Variants in CHRM2 observed in about 807,000 individuals in gnomAD.
CHRM2 encodes muscarinic acetylcholine receptor M2.
CHRM2 carries 8 observed loss-of-function variants against 25.0 expected under a neutral mutation model. The ratio of observed to expected loss-of-function variants is 0.32; its 90% CI spans 0.19 to 0.58. The LOEUF (loss-of-function observed/expected upper bound fraction) is 0.58. Ranked by LOEUF, CHRM2 falls within the 20% of genes least tolerant of loss-of-function variation. CHRM2 has a pLI of 0.88. For synonymous variants in CHRM2, 202 were observed against 205.7 expected (o/e 0.98, Z 0.15); for missense variants, 440 against 567.1 (o/e 0.78, Z 2.28).
chr7:136,912,947 G>A (rs1797921666), intron 2 of CHRM2, among the ~76,000 whole-genome samples: 1 of 151,788 alleles, frequency 6.6e-6, no homozygotes, highest in South Asian at 2.1e-4. Context: ...TGTGATGCTT[G>A]GCACATAACC....
At chr7:136,875,791 T>C (rs755059052) in intron 2 of CHRM2, among the ~76,000 whole-genome samples, 2 of 152,166 alleles carry the variant, frequency 1.3e-5, no homozygotes, top group East Asian at 1.9e-4. Context: ...ATCCTCCAAC[T>C]GCACAAGGAA....
At chr7:136,977,440 T>C (rs922519690) in intron 2 of CHRM2, among the ~76,000 whole-genome samples, 2 of 152,134 alleles carry the variant, frequency 1.3e-5, no homozygotes, top group South Asian at 2.1e-4. Flanking sequence ...GGTCTTACGA[T>C]AGACAGTGGG....
At chr7:136,888,397 A>G (rs1017830683) in intron 2 of CHRM2, among the ~76,000 whole-genome samples, 17 of 152,312 alleles carry the variant, frequency 1.1e-4, no homozygotes, top group African/African-American at 4.1e-4. Context: ...GCTTCAGCCT[A>G]TGGGAAGCAG....
chr7:136,915,857 C>G (rs1798074959), intron 2 of CHRM2, among the ~76,000 whole-genome samples: 1 of 144,560 alleles, frequency 6.9e-6, no homozygotes, highest in Admixed American at 6.8e-5. Context: ...TGAAAAGAAA[C>G]ATTTTTTTTT....
intron 2 of CHRM2, among the ~76,000 whole-genome samples, chr7:136,909,310 CAT>C (rs1481493432): frequency 6.6e-5 from 10 of 151,944 alleles, no homozygotes; most frequent in Admixed American, 6.6e-5. Flanking sequence ...ATACATGGCA[CAT>C]AGAGTTATAT....
intron 2 of CHRM2, among the ~76,000 whole-genome samples, chr7:136,881,156 C>T (rs1405585687): frequency 2.0e-5 from 3 of 149,292 alleles, no homozygotes; most frequent in Non-Finnish European, 4.5e-5. Context: ...TAACTCCTGA[C>T]AACCACTGAT....
intron 2 of CHRM2, among the ~76,000 whole-genome samples, chr7:136,895,112 T>A (rs990909026): frequency 1.3e-5 from 2 of 152,220 alleles, no homozygotes; most frequent in African/African-American, 4.8e-5. Flanking sequence ...ATTCAAATAG[T>A]CTTTAAAATA....
intron 2 of CHRM2, among the ~76,000 whole-genome samples, chr7:136,888,334 G>A (rs142775122): frequency 1.3e-5 from 2 of 152,232 alleles, no homozygotes; most frequent in Admixed American, 6.5e-5. Context: ...CCATTGCTGC[G>A]CTGGGGAAAG....
chr7:136,992,692 G>C (rs540448570), intron 3 of CHRM2, among the ~76,000 whole-genome samples: 1 of 152,060 alleles, frequency 6.6e-6, no homozygotes, highest in Admixed American at 6.6e-5. Flanking sequence ...TTTATAGAAC[G>C]TAACTACCAT....
Position 137,015,571 on chromosome 7 carries a change from G to A in CHRM2, c.706G>A (p.Val236Ile). 1 of 1,612,862 alleles carries A rather than the reference G, an allele frequency of 6.2e-7. No individual in the cohort carries two copies. Among genetic ancestry groups the A allele is most frequent in the Non-Finnish European group, 8.5e-7 (1 of 1,179,500 alleles). ...CCAAGACCCCGTTTCTCCAAGTCTG[G>A]TACAAGGAAGGATAGTGAAGCCAAA... is the stretch of plus-strand genomic sequence containing the variant. ...ANQDPVSPSLVQGRIVKPNNN... is the reference protein window; with the variant it reads ...ANQDPVSPSLIQGRIVKPNNN... Residue 236 changes from valine to isoleucine, a missense_variant, in exon 4 of 4, where the codon GTA (valine) becomes ATA (isoleucine). Val to Ile is a conservative substitution (Grantham distance 29, BLOSUM62 3). Transcript: ENST00000680005. The surrounding 1 kb of genome is among the most constrained non-coding windows in gnomAD (Gnocchi z 5.1).
intron 2 of CHRM2, among the ~76,000 whole-genome samples, chr7:136,876,496 TA>T (rs1796057290): frequency 6.6e-6 from 1 of 152,170 alleles, no homozygotes; most frequent in Non-Finnish European, 1.5e-5. Flanking sequence ...ATTTTACTAT[TA>T]TTTTATTGCA....
At chr7:136,893,465 G>T (rs977623957) in intron 2 of CHRM2, among the ~76,000 whole-genome samples, 2 of 152,050 alleles carry the variant, frequency 1.3e-5, no homozygotes, top group African/African-American at 4.8e-5. Flanking sequence ...TTTACCATTG[G>T]CACACCACTG....
Position 136,981,063 on chromosome 7 carries a change from G to A in CHRM2, c.-124-11124G>A, listed in dbSNP as rs543463805. On this transcript the variant is annotated intron_variant, in intron 2 of 3. Transcript: ENST00000680005. ...TCTGGTAGAATTCAGCTGTGAATCC[G>A]TCTGTTCCTAGGCTTTCTTTGGTTG... Among the ~76,000 whole-genome samples, 54 of 152,220 alleles carry A rather than the reference G, an allele frequency of 3.5e-4. No homozygotes were observed. In the South Asian group the frequency reaches 3.7e-3, roughly 11 times the overall value.
At chr7:136,979,531 C>A (rs1802341312) in intron 2 of CHRM2, among the ~76,000 whole-genome samples, 1 of 152,140 alleles carries the variant, frequency 6.6e-6, no homozygotes, top group Admixed American at 6.5e-5. Flanking sequence ...AGGCCTATAT[C>A]CGTAATGGTA....
At chr7:136,951,862 G>A (rs975649274) in intron 2 of CHRM2, among the ~76,000 whole-genome samples, 9 of 152,062 alleles carry the variant, frequency 5.9e-5, no homozygotes, top group African/African-American at 2.2e-4. Context: ...CTTTCCTCCT[G>A]CTATAGGTTT....
chr7:136,919,893 C>G lies in CHRM2; in HGVS notation c.-125+50475C>G, dbSNP rs554333245. ...TACTTCAGTCAAAGTGGTCATTGAC[C>G]TTCGGATTGTTTATTTCTCTAGATA... On this transcript the variant is annotated intron_variant, in intron 2 of 3. Coordinates refer to ENST00000680005, the MANE Select transcript of CHRM2 (RefSeq NM_001006630.2). 2.6e-5 allele frequency among the ~76,000 whole-genome samples: 4 copies of G among 152,190 alleles called. No homozygotes were observed. The East Asian group carries it at 7.7e-4, about 29-fold the overall frequency.
In CHRM2 at chr7:137,016,098, C is replaced by T. The variant is rs746845225; in HGVS notation, c.1233C>T (p.Thr411=). ...APYNVMVLIN[T]FCAPCIPNTV... ...ACAATGTCATGGTGCTCATTAACAC[C>T]TTTTGTGCACCTTGCATCCCCAACA... The change falls in exon 4 of 4, where the codon ACC becomes ACT. Residue 411 remains threonine (T), a synonymous_variant. Transcript: ENST00000680005. 1 of 1,612,166 alleles carries T rather than the reference C, an allele frequency of 6.2e-7. No individual in the cohort carries two copies. Among genetic ancestry groups the T allele is most frequent in the South Asian group, 1.1e-5 (1 of 90,972 alleles).
intron 2 of CHRM2, among the ~76,000 whole-genome samples, chr7:136,959,906 C>T (rs903780540): frequency 1.3e-5 from 2 of 151,904 alleles, no homozygotes; most frequent in African/African-American, 4.8e-5. Flanking sequence ...AGCAAAACTC[C>T]GTCCAAAAAA....
chr7:137,014,922 G>A lies in CHRM2; in HGVS notation c.57G>A (p.Lys19=). ...NNSLALTSPY[K]TFEVVFIVLV... ...GCCTGGCTCTTACAAGTCCTTATAAGACATTTGAAGTGGTGTTTATTGTCC... is the reference window on the plus strand; with the variant it reads ...GCCTGGCTCTTACAAGTCCTTATAAAACATTTGAAGTGGTGTTTATTGTCC... Residue 19 remains lysine (K), a synonymous_variant, in exon 4 of 4, where the codon AAG becomes AAA. Transcript: ENST00000680005. 1 of 1,613,172 alleles carries A rather than the reference G, an allele frequency of 6.2e-7. No homozygotes were observed. Among genetic ancestry groups the A allele is most frequent in the Non-Finnish European group, 8.5e-7 (1 of 1,179,498 alleles).
Sources: allele counts gnomAD v4.1 joint callset (sites outside exome capture counted in the v4.1 genomes callset), GRCh38; gene constraint gnomAD v4.1.1; non-coding constraint Gnocchi (gnomAD v3.1); transcripts MANE v1.5; gene names NCBI Gene and HGNC (gene_info 2026-07-23, HGNC 2026-07-21).